Variants in ERICH2 observed in about 807,000 individuals in gnomAD.
ERICH2 encodes the protein glutamate rich 2, also known as glutamate-rich protein 2.
A neutral mutation model predicts 17.4 loss-of-function variants in ERICH2; 17 were observed. The ratio of observed to expected loss-of-function variants is 0.98; its 90% confidence interval spans 0.67 to 1.47. ERICH2 has a LOEUF of 1.47. Ranked by LOEUF, ERICH2 falls within the 40% of genes most tolerant of loss-of-function variation. The pLI, the probability that ERICH2 is intolerant of heterozygous loss-of-function variation, is 0.00. For missense variants in ERICH2, 186 were observed against 183.2 expected (o/e 1.01, Z -0.09); for synonymous variants, 51 against 61.1 (o/e 0.83, Z 0.77).
chr2:170,776,535 G>A, the ERICH2 span, among the ~76,000 whole-genome samples: 2 of 152,052 alleles, frequency 1.3e-5, no homozygotes, highest in Non-Finnish European at 2.9e-5. Context: ...CTGCCACCAT[G>A]CCCGGCTAAT....
chr2:170,790,847 T>A (rs1297207981), intron 2 of ERICH2, among the ~76,000 whole-genome samples: 1 of 150,428 alleles, frequency 6.6e-6, no homozygotes, highest in African/African-American at 2.4e-5. Context: ...AAAATAGTAA[T>A]CACAACAACA....
intron 2 of ERICH2, among the ~76,000 whole-genome samples, chr2:170,791,233 G>A (rs895770422): frequency 1.2e-4 from 18 of 152,180 alleles, no homozygotes; most frequent in African/African-American, 3.9e-4. Flanking sequence ...GTTTAACCTA[G>A]ACAAGAATAG....
intron 1 of ERICH2, chr2:170,783,934 A>C (rs1188353481): frequency 1.4e-5 from 21 of 1,549,256 alleles, no homozygotes; most frequent in Non-Finnish European, 1.5e-5. Flanking sequence ...TTTTCAGGGT[A>C]GCATTTTGGG....
exon 2 of ERICH2, chr2:170,784,793 C>A: frequency 6.5e-7 from 1 of 1,532,556 alleles, no homozygotes; most frequent in Non-Finnish European, 8.8e-7. Flanking sequence ...GATAGTAACC[C>A]TAAAAAGAAT....
intron 2 of ERICH2, among the ~76,000 whole-genome samples, chr2:170,789,657 A>C (rs1701239040): frequency 6.6e-6 from 1 of 152,184 alleles, no homozygotes; most frequent in Admixed American, 6.5e-5. Context: ...AGAATTTCTT[A>C]ATTTTACTGC....
At chr2:170,798,836 G>A (rs980029224) in exon 5 of ERICH2, 2 of 1,550,590 alleles carry the variant, frequency 1.3e-6, no homozygotes, top group African/African-American at 2.7e-5. Context: ...GAGAGTAAAG[G>A]AGAAAGCGAT....
chr2:170,797,731 G>T (rs1471477941), intron 3 of ERICH2, among the ~76,000 whole-genome samples: 2 of 151,176 alleles, frequency 1.3e-5, no homozygotes, highest in Non-Finnish European at 2.9e-5. Context: ...GGCAGAGGCT[G>T]CAGTGAGCCA....
the ERICH2 span, chr2:170,777,666 C>G: frequency 1.6e-6 from 2 of 1,233,902 alleles, no homozygotes; most frequent in Non-Finnish European, 2.0e-6. Flanking sequence ...TTGAATCAAA[C>G]GAAGCAATGT....
At chr2:170,789,532 T>C (rs1701234121) in intron 2 of ERICH2, among the ~76,000 whole-genome samples, 1 of 152,246 alleles carries the variant, frequency 6.6e-6, no homozygotes. Flanking sequence ...TTTTGTTTAG[T>C]TGTTAAGCAT....
chr2:170,794,501 T>C (rs1198327172), intron 3 of ERICH2, among the ~76,000 whole-genome samples: 1 of 152,224 alleles, frequency 6.6e-6, no homozygotes, highest in Non-Finnish European at 1.5e-5. Context: ...AATATGCTGT[T>C]AAAACTATTT....
intron 3 of ERICH2, among the ~76,000 whole-genome samples, 179 bp downstream of exon 8, chr2:170,793,099 C>T (rs1434725269): frequency 3.3e-5 from 5 of 152,276 alleles, no homozygotes; most frequent in Admixed American, 2.0e-4. Context: ...CTCTAGAGTA[C>T]ATTTTAGTGG....
the ERICH2 span, among the ~76,000 whole-genome samples, chr2:170,778,685 TC>T: frequency 6.6e-6 from 1 of 152,206 alleles, no homozygotes; most frequent in African/African-American, 2.4e-5. Context: ...TTTATATGTA[TC>T]CTATTACATG....
intron 3 of ERICH2, among the ~76,000 whole-genome samples, chr2:170,795,154 T>A (rs973018938): frequency 6.6e-6 from 1 of 151,976 alleles, no homozygotes; most frequent in Non-Finnish European, 1.5e-5. Context: ...AATTTTTGTA[T>A]TTTTTGTAGA....
At position 170,792,925 on chromosome 2, in the gene ERICH2, G is replaced by A. The variant is rs1396569555; in HGVS notation, c.274+5G>A. ...CAAAAAAATTATGTCAGATGAGTAA[G>A]TACAAAATACTTTCATATTTTCTAA... is the stretch of plus-strand genomic sequence containing the variant. On this transcript the variant is annotated splice_donor_5th_base_variant and intron_variant, in intron 3 of 4. Transcript: ENST00000409885. 2 of 1,474,318 alleles carry A rather than the reference G, an allele frequency of 1.4e-6. No homozygotes were observed. The highest frequency in any genetic ancestry group is 1.8e-6 in the Non-Finnish European group (2 of 1,093,822). 91.3% of individuals were successfully genotyped at this position (1,474,318 alleles called of 1,614,324 possible). A position where few individuals can be genotyped will look rare whatever the true frequency, so the allele number is the denominator to read the frequency against.
At chr2:170,771,626 C>T in the ERICH2 span, among the ~76,000 whole-genome samples, 1 of 152,212 alleles carries the variant, frequency 6.6e-6, no homozygotes, top group Non-Finnish European at 1.5e-5. The surrounding 1 kb of genome is among the most constrained non-coding windows in gnomAD (Gnocchi z 4.8). Context: ...AATTCTTTTA[C>T]TTATTTTTGG....
chr2:170,772,585 G>A, the ERICH2 span, among the ~76,000 whole-genome samples: 2 of 152,120 alleles, frequency 1.3e-5, no homozygotes, highest in African/African-American at 4.8e-5. Flanking sequence ...ATATTACACT[G>A]TAAAGGAAAT....
the ERICH2 span, among the ~76,000 whole-genome samples, chr2:170,772,391 A>AT: frequency 2.0e-5 from 3 of 152,182 alleles, no homozygotes. Flanking sequence ...TACTATTATT[A>AT]TTTATTGGTA....
At chr2:170,781,510 T>C (rs1701027653), upstream of ERICH2, among the ~76,000 whole-genome samples, 1 of 151,880 alleles carries the variant, frequency 6.6e-6, no homozygotes, top group South Asian at 2.1e-4. Flanking sequence ...GGCAGGCGCC[T>C]GTAATCCCAG....
the ERICH2 span, among the ~76,000 whole-genome samples, chr2:170,774,564 C>CTTCTTTTTT: frequency 1.0e-5 from 1 of 98,574 alleles, no homozygotes. Flanking sequence ...AGAGCCCCAT[C>CTTCTTTTTT]TTTTTTTTTT....
Sources: allele counts gnomAD v4.1 joint callset (sites outside exome capture counted in the v4.1 genomes callset), GRCh38; gene constraint gnomAD v4.1.1; non-coding constraint Gnocchi (gnomAD v3.1); transcripts MANE v1.5; gene names NCBI Gene and HGNC (gene_info 2026-07-23, HGNC 2026-07-21).